The following WRN variants were observed in gnomAD, a reference collection of about 807,000 sequenced individuals.
WRN encodes the protein bifunctional 3'-5' exonuclease/ATP-dependent helicase WRN.
A neutral mutation model predicts 180.7 loss-of-function variants in WRN; 149 were observed. The observed-to-expected ratio is 0.82, with a 90% CI of 0.72 to 0.94. The LOEUF is 0.94. WRN is among the 40% of genes least tolerant of loss of function. WRN has a pLI of 0.00. For synonymous variants in WRN, 548 were observed against 568.9 expected (o/e 0.96, Z 0.52); for missense variants, 1,661 against 1,700.1 (o/e 0.98, Z 0.40).
chr8:31,076,331 TTA>T lies in WRN; in HGVS notation c.839+46_839+47del, dbSNP rs869278374. ...TTTTTTTAACTTAAATCAATTCTGT[TTA>T]TTTTTTTATCACATTTTCCTATATG... On this transcript the variant is annotated intron_variant, in intron 8 of 34. Transcript: ENST00000298139. 4.7e-6 allele frequency: 7 copies of T among 1,484,720 alleles called. No individual in the cohort carries two copies. In the South Asian group the frequency reaches 5.9e-5, roughly 12 times the overall value. The allele number at this position is 1,484,720 out of a possible 1,614,324, so 92.0% of individuals were successfully genotyped here.
chr8:31,158,235 C>G (rs1043414708), intron 33 of WRN, among the ~76,000 whole-genome samples: 2 of 152,120 alleles, frequency 1.3e-5, no homozygotes, highest in African/African-American at 4.8e-5. Flanking sequence ...GCTTGAGTAG[C>G]CTTTCTAATC....
chr8:31,168,514 T>G, intron 34 of WRN, among the ~76,000 whole-genome samples: 1 of 149,692 alleles, frequency 6.7e-6, no homozygotes, highest in South Asian at 2.2e-4. Context: ...ATGGTGGGTA[T>G]TTTGGGGGGG....
At chr8:31,127,692 A>G (rs1484703189) in intron 23 of WRN, among the ~76,000 whole-genome samples, 2 of 152,078 alleles carry the variant, frequency 1.3e-5, no homozygotes, top group Admixed American at 1.3e-4. Context: ...TGGGAGGATC[A>G]CTTGAGACCA....
At chr8:31,072,790 G>A (rs1004643581) in intron 7 of WRN, among the ~76,000 whole-genome samples, 10 of 152,148 alleles carry the variant, frequency 6.6e-5, no homozygotes, top group Non-Finnish European at 1.0e-4. Flanking sequence ...AGAGTTGCTC[G>A]GGAAAATTTA....
At chr8:31,096,659 G>T (rs1813988595) in intron 16 of WRN, 109 bp from the exon 17 acceptor site, 7 of 853,558 alleles carry the variant, frequency 8.2e-6, no homozygotes, top group South Asian at 4.8e-5. Flanking sequence ...CTTTCATAAG[G>T]TATCTTGATT....
At chr8:31,036,975 C>T (rs556410999) in intron 1 of WRN, among the ~76,000 whole-genome samples, 23 of 152,144 alleles carry the variant, frequency 1.5e-4, no homozygotes, top group Non-Finnish European at 3.1e-4. Context: ...CTGGTTTCAT[C>T]GAAGACAATT....
At chr8:31,083,320 T>C (rs1813393850) in intron 9 of WRN, among the ~76,000 whole-genome samples, 1 of 152,244 alleles carries the variant, frequency 6.6e-6, no homozygotes, top group South Asian at 2.1e-4. Context: ...GGAACAACTA[T>C]TGTTCTTTGT....
rs1303970800 is a variant in WRN, at chr8:31,174,820, C to CCTCT, written c.*1721_*1722insTCTC. On this transcript the variant is annotated 3_prime_UTR_variant, in exon 35 of 35. Coordinates refer to ENST00000298139, the MANE Select transcript of WRN (RefSeq NM_000553.6). Reference sequence around the variant, plus strand: ...CCCTTCCTTCCTTCCTTCCTTCCTTCCTCCCTCCCTCCCTCCCTCCCTCCC... The same window carrying CCTCT: ...CCCTTCCTTCCTTCCTTCCTTCCTTCCTCTCTCCCTCCCTCCCTCCCTCCCTCCC... 2.6e-5 allele frequency among the ~76,000 whole-genome samples: 1 copy of CCTCT among 38,102 alleles called. No homozygotes were observed. Among genetic ancestry groups the CCTCT allele is most frequent in the Non-Finnish European group, 5.7e-5 (1 of 17,514 alleles). The allele number at this position is 38,102 out of a possible 152,430, so 25.0% of individuals were successfully genotyped here.
chr8:31,063,269 C>T (rs2015230), intron 3 of WRN, among the ~76,000 whole-genome samples: 97,098 of 152,104 alleles, frequency 0.64, 31,545 homozygotes, highest in East Asian at 0.82. Flanking sequence ...CTCAACACTA[C>T]GTTTTTGAGA....
intron 7 of WRN, among the ~76,000 whole-genome samples, chr8:31,074,679 TA>T (rs1374879705): frequency 6.6e-6 from 1 of 152,064 alleles, no homozygotes; most frequent in Non-Finnish European, 1.5e-5. Flanking sequence ...ATCAGGTAGG[TA>T]AAAAAAGTGG....
chr8:31,100,942 C>T lies in WRN; in HGVS notation c.2075C>T (p.Thr692Ile). ...DSFRKLGSLK[T>I]ALPMVPIVAL... ...TTCAGGAAGTTGGGCTCCCTAAAGACAGCACTGCCAATGGTAAGCTTTGCC... is the reference window on the plus strand; with the variant it reads ...TTCAGGAAGTTGGGCTCCCTAAAGATAGCACTGCCAATGGTAAGCTTTGCC... The change falls in exon 18 of 35, where the codon ACA becomes ATA. Residue 692 changes from threonine (T) to isoleucine (I), a missense_variant. Thr to Ile is a moderately conservative substitution (Grantham distance 89, BLOSUM62 -1). Transcript: ENST00000298139. 6.2e-7 allele frequency: 1 copy of T among 1,613,722 alleles called. No individual in the cohort carries two copies. Among genetic ancestry groups the T allele is most frequent in the Non-Finnish European group, 8.5e-7 (1 of 1,179,760 alleles).
At chr8:31,100,667 A>G (rs1782329354) in intron 17 of WRN, among the ~76,000 whole-genome samples, 182 bp from the exon 18 acceptor site, 1 of 152,140 alleles carries the variant, frequency 6.6e-6, no homozygotes, top group Non-Finnish European at 1.5e-5. Context: ...TTATTCATAT[A>G]TCTCCCCTCT....
At chr8:31,103,712 T>A (rs1250317299) in intron 18 of WRN, among the ~76,000 whole-genome samples, 1 of 152,074 alleles carries the variant, frequency 6.6e-6, no homozygotes, top group African/African-American at 2.4e-5. Context: ...TTTGTTCATA[T>A]CTCAAAGGTT....
intron 8 of WRN, 79 bp from the exon 9 acceptor site, chr8:31,080,788 C>T (rs1456267501): frequency 1.6e-6 from 2 of 1,225,294 alleles, no homozygotes; most frequent in Non-Finnish European, 2.3e-6. Flanking sequence ...AAAGCTTTTA[C>T]TTGTTAAAAA....
At chr8:31,036,835 T>C (rs1585379196) in intron 1 of WRN, among the ~76,000 whole-genome samples, 1 of 152,246 alleles carries the variant, frequency 6.6e-6, no homozygotes, top group East Asian at 1.9e-4. Context: ...TTGAATTTGC[T>C]GTGCAGAGAA....
chr8:31,124,251 A>G (rs1284162992), intron 21 of WRN, among the ~76,000 whole-genome samples: 1 of 152,112 alleles, frequency 6.6e-6, no homozygotes, highest in Non-Finnish European at 1.5e-5. Flanking sequence ...ATACTTTTTC[A>G]AAGCAGCTAA....
chr8:31,053,733 GC>G (rs1403734076), intron 1 of WRN, among the ~76,000 whole-genome samples: 1 of 152,176 alleles, frequency 6.6e-6, no homozygotes, highest in African/African-American at 2.4e-5. Flanking sequence ...CAAAAATTCA[GC>G]TTTGGAAAAG....
At chr8:31,156,724 T>C (rs1057124322) in intron 32 of WRN, among the ~76,000 whole-genome samples, 1 of 152,200 alleles carries the variant, frequency 6.6e-6, no homozygotes, top group Non-Finnish European at 1.5e-5. Flanking sequence ...CTAATAAATA[T>C]CTGAAATGTA....
intron 8 of WRN, among the ~76,000 whole-genome samples, chr8:31,077,386 G>T (rs1275078057): frequency 6.7e-6 from 1 of 149,552 alleles, no homozygotes; most frequent in Non-Finnish European, 1.5e-5. Flanking sequence ...GACTACCGGC[G>T]CCCGCCACCC....
Sources: allele counts gnomAD v4.1 joint callset (sites outside exome capture counted in the v4.1 genomes callset), GRCh38; gene constraint gnomAD v4.1.1; transcripts MANE v1.5; gene names NCBI Gene and HGNC (gene_info 2026-07-23, HGNC 2026-07-21).